Variants in PCDHGA7 observed in about 807,000 individuals in gnomAD.
PCDHGA7 encodes protocadherin gamma subfamily A, 7, also known as protocadherin gamma-A7.
A neutral mutation model predicts 58.3 loss-of-function variants in PCDHGA7; 44 were observed. That is an observed-to-expected ratio of 0.75 (90% CI 0.59 to 0.97). The LOEUF is 0.97. Among genes scored for constraint, PCDHGA7 ranks in the 50% least tolerant of loss-of-function variants. The pLI is 0.00. For synonymous variants in PCDHGA7, 516 were observed against 504.2 expected (o/e 1.02, Z -0.31); for missense variants, 1,266 against 1,188.7 (o/e 1.06, Z -0.96).
At chr5:141,398,573 G>A (rs561224063) in intron 1 of PCDHGA7, 39 of 1,613,870 alleles carry the variant, frequency 2.4e-5, no homozygotes, top group Non-Finnish European at 3.1e-5. Flanking sequence ...GCACAGCCTG[G>A]CACAAGATTT....
At position 141,431,763 on chromosome 5, in the gene PCDHGA7, T is replaced by C; in HGVS notation, c.2424+46440T>C. On this transcript the variant is annotated intron_variant, in intron 1 of 3. Transcript: ENST00000518325. The surrounding 1 kb of genome is among the most constrained non-coding windows in gnomAD (Gnocchi z 4.8). ...TATTCTGCGCGAGCCAAAGTCCTGA[T>C]CACTGTTCTGGACGTGAACGACAAT... 1 of 1,614,230 alleles carries C rather than the reference T, an allele frequency of 6.2e-7. No individual in the cohort carries two copies. Among genetic ancestry groups the C allele is most frequent in the Non-Finnish European group, 8.5e-7 (1 of 1,180,030 alleles).
At chr5:141,404,150 G>T in intron 1 of PCDHGA7, 1 of 1,612,828 alleles carries the variant, frequency 6.2e-7, no homozygotes, top group South Asian at 1.1e-5. Flanking sequence ...TTCAGAAGAA[G>T]ATTATTACAG....
At chr5:141,405,316 T>C (rs752153213) in intron 1 of PCDHGA7, 5 of 1,614,232 alleles carry the variant, frequency 3.1e-6, no homozygotes, top group Non-Finnish European at 4.2e-6. Context: ...GTGAGAAAAA[T>C]GAGCCTTTGT....
chr5:141,511,241 C>A lies in PCDHGA7; in HGVS notation c.*68C>A. On this transcript the variant is annotated 3_prime_UTR_variant, in exon 4 of 4. Coordinates refer to ENST00000518325, the MANE Select transcript of PCDHGA7 (RefSeq NM_018920.4). ...CCAGCCCAGCTTCTCCTTACCTGCA[C>A]CCAGGCCTCAGAGTTTCAGGGCTAA... 1 of 1,585,212 alleles carries A rather than the reference C, an allele frequency of 6.3e-7. No individual in the cohort carries two copies. The highest frequency in any genetic ancestry group is 8.6e-7 in the Non-Finnish European group (1 of 1,165,762).
At position 141,432,009 on chromosome 5, in the gene PCDHGA7, G is replaced by T. The variant is rs1227754190; in HGVS notation, c.2424+46686G>T. ...GTCTTGGATAGGGAACAGGTTCCTAGCTACAACATCACAGTGACCGCCACT... is the reference window on the plus strand; with the variant it reads ...GTCTTGGATAGGGAACAGGTTCCTATCTACAACATCACAGTGACCGCCACT... On this transcript the variant is annotated intron_variant, in intron 1 of 3. Transcript: ENST00000518325. The surrounding 1 kb of genome is among the most constrained non-coding windows in gnomAD (Gnocchi z 6.0). 1 of 1,614,070 alleles carries T rather than the reference G, an allele frequency of 6.2e-7. No homozygotes were observed. The highest frequency in any genetic ancestry group is 8.5e-7 in the Non-Finnish European group (1 of 1,180,032).
intron 1 of PCDHGA7, among the ~76,000 whole-genome samples, chr5:141,474,672 T>C (rs1203448521): frequency 2.0e-5 from 3 of 152,228 alleles, no homozygotes; most frequent in Non-Finnish European, 4.4e-5. Flanking sequence ...ACCTAACCTA[T>C]GTGCCTACCC....
intron 1 of PCDHGA7, chr5:141,417,639 C>G: frequency 1.3e-6 from 1 of 745,670 alleles, no homozygotes; most frequent in Non-Finnish European, 2.1e-6. Flanking sequence ...CGCCGGGGAT[C>G]CCTCAGCCTC....
intron 1 of PCDHGA7, chr5:141,422,945 C>T (rs13188215): frequency 6.2e-7 from 1 of 1,614,134 alleles, no homozygotes; most frequent in Non-Finnish European, 8.5e-7. Context: ...ACAGACGGCT[C>T]CACTGGCGTG....
rs138831045 is a variant in PCDHGA7 at position 141,462,238 on chromosome 5, G to A, written c.2425-32569G>A. Among the ~76,000 whole-genome samples the A allele has an allele frequency of 2.9e-3, 441 of 152,288 alleles. 3 individuals carry two copies. Among genetic ancestry groups the A allele is most frequent in the African/African-American group, 9.9e-3 (412 of 41,566 alleles). On this transcript the variant is annotated intron_variant, in intron 1 of 3. Coordinates refer to ENST00000518325, the MANE Select transcript of PCDHGA7 (RefSeq NM_018920.4). ...GCCTCCCAAAGTGCAGGGATTACAG[G>A]TATGAGCCACCATGACCAGCCTAAA...
chr5:141,405,376 G>A lies in PCDHGA7; in HGVS notation c.2424+20053G>A, dbSNP rs567557596. On this transcript the variant is annotated intron_variant, in intron 1 of 3. Coordinates refer to ENST00000518325, the MANE Select transcript of PCDHGA7 (RefSeq NM_018920.4). The stretch of plus-strand genomic sequence containing the variant: ...CTATAGAAGACACCCCTTTGGTTCC[G>A]GTGAGTTCATTTTTTTTCTTTCTTT... The A allele has an allele frequency of 4.3e-4, 696 of 1,602,156 alleles. 3 individuals carry two copies. In the South Asian group the frequency reaches 6.8e-3, roughly 16 times the overall value.
chr5:141,491,143 C>A lies in PCDHGA7; in HGVS notation c.2425-3664C>A. 1.2e-6 allele frequency: 2 copies of A among 1,614,142 alleles called. No homozygotes were observed. Among genetic ancestry groups the A allele is most frequent in the South Asian group, 1.1e-5 (1 of 91,082 alleles). On this transcript the variant is annotated intron_variant, in intron 1 of 3. Transcript: ENST00000518325. This position sits in a 1 kb window ranked among gnomAD's most constrained non-coding sequence, Gnocchi z 6.9. ...TGAGGTGCGCACAGCCCGGGCCTTA[C>A]TGGAGGATGACTCTGACACCCAGCA... is the stretch of plus-strand genomic sequence containing the variant.
At chr5:141,497,719 T>C (rs1311566820) in intron 2 of PCDHGA7, among the ~76,000 whole-genome samples, 2 of 152,076 alleles carry the variant, frequency 1.3e-5, no homozygotes, top group Non-Finnish European at 2.9e-5. Context: ...TTTGTATTTT[T>C]AGTAGAGATG....
In PCDHGA7 at chr5:141,454,796, A is replaced by ATTTTTT. The variant is rs61612330; in HGVS notation, c.2425-39987_2425-39982dup. Among the ~76,000 whole-genome samples the ATTTTTT allele has an allele frequency of 4.9e-3, 381 of 77,456 alleles. 41 individuals carry two copies. The highest frequency in any genetic ancestry group is 0.011 in the African/African-American group (178 of 16,882). 50.8% of individuals were successfully genotyped at this position (77,456 alleles called of 152,430 possible). ...AAGGAAATAATCCTCCATGGTTCTA[A>ATTTTTT]TTTTTTTTTTTTTTTTTTTTTTTTT... On this transcript the variant is annotated intron_variant, in intron 1 of 3. Coordinates refer to ENST00000518325, the MANE Select transcript of PCDHGA7 (RefSeq NM_018920.4).
At chr5:141,483,273 T>G (rs6860615) in intron 1 of PCDHGA7, among the ~76,000 whole-genome samples, 62,442 of 151,936 alleles carry the variant, frequency 0.41, 15,417 homozygotes, top group African/African-American at 0.7. Flanking sequence ...GTTTTAGAAA[T>G]ATTATTCTGT....
chr5:141,404,290 T>C (rs2094507318), intron 1 of PCDHGA7: 1 of 1,613,984 alleles, frequency 6.2e-7, no homozygotes, highest in South Asian at 1.1e-5. Context: ...CTGACATCAA[T>C]GATAATCCAC....
intron 1 of PCDHGA7, chr5:141,427,729 A>G (rs1176707357): frequency 8.5e-7 from 1 of 1,170,166 alleles, no homozygotes; most frequent in African/African-American, 1.5e-5. Context: ...CTAGGGCTGA[A>G]TGGCCAAGTC....
chr5:141,424,353 T>C (rs923306479), intron 1 of PCDHGA7: 1 of 152,246 alleles, frequency 6.6e-6, no homozygotes, highest in African/African-American at 2.4e-5. Flanking sequence ...GGAGATAAAA[T>C]TTAGATCACA....
At position 141,431,245 on chromosome 5, in the gene PCDHGA7, C is replaced by T; in HGVS notation, c.2424+45922C>T. The T allele has an allele frequency of 1.2e-6, 2 of 1,614,134 alleles. No individual in the cohort carries two copies. The highest frequency in any genetic ancestry group is 1.7e-6 in the Non-Finnish European group (2 of 1,180,038). ...TACCCCACGCCTGGGATCCGGATATCGGGAAGAACTCTCTGCAGAGCTACG... is the reference window on the plus strand; with the variant it reads ...TACCCCACGCCTGGGATCCGGATATTGGGAAGAACTCTCTGCAGAGCTACG... On this transcript the variant is annotated intron_variant, in intron 1 of 3. Transcript: ENST00000518325. This position sits in a 1 kb window ranked among gnomAD's most constrained non-coding sequence, Gnocchi z 4.8.
intron 1 of PCDHGA7, among the ~76,000 whole-genome samples, chr5:141,433,449 T>C (rs2097611087): frequency 6.6e-6 from 1 of 152,068 alleles, no homozygotes; most frequent in Non-Finnish European, 1.5e-5. Context: ...TTGAGCAGGC[T>C]GATCTGAAAC....
Sources: allele counts gnomAD v4.1 joint callset (sites outside exome capture counted in the v4.1 genomes callset), GRCh38; gene constraint gnomAD v4.1.1; non-coding constraint Gnocchi (gnomAD v3.1); transcripts MANE v1.5; gene names NCBI Gene and HGNC (gene_info 2026-07-23, HGNC 2026-07-21).